Variants in ECM2 observed in about 807,000 individuals in gnomAD.
The protein encoded by ECM2 is extracellular matrix protein 2, female organ and adipocyte specific.
Under a neutral mutation model 67.5 loss-of-function variants are expected in ECM2, and 57 were observed. The ratio of observed to expected loss-of-function variants is 0.84; its 90% CI spans 0.68 to 1.05. The LOEUF (loss-of-function observed/expected upper bound fraction) is 1.05, where lower values mean the gene tolerates loss of function less well. Among genes scored for constraint, ECM2 ranks in the 50% least tolerant of loss-of-function variants. ECM2 has a pLI of 0.00. For synonymous variants in ECM2, 258 were observed against 294.5 expected (o/e 0.88, Z 1.27); for missense variants, 741 against 822.8 (o/e 0.90, Z 1.22).
chr9:92,555,389 G>C, the ECM2 span, among the ~76,000 whole-genome samples: 1 of 151,458 alleles, frequency 6.6e-6, no homozygotes, highest in Non-Finnish European at 1.5e-5. Flanking sequence ...ACCATGTCTG[G>C]CTGATTTTTT....
At chr9:92,557,951 G>A in the ECM2 span, among the ~76,000 whole-genome samples, 2 of 151,986 alleles carry the variant, frequency 1.3e-5, no homozygotes, top group African/African-American at 2.4e-5. Context: ...CCTGCATTTC[G>A]CATTTCTAAA....
In ECM2 at chr9:92,512,121, A is replaced by G. The variant is rs141793116; in HGVS notation, c.1060T>C (p.Ser354Pro). 3.7e-4 allele frequency: 599 copies of G among 1,611,910 alleles called. 1 individual carries two copies. The highest frequency in any genetic ancestry group is 4.8e-4 in the Non-Finnish European group (563 of 1,178,218). ...QITSLELTGNSIASIPDEAFN... is the reference protein window; with the variant it reads ...QITSLELTGNPIASIPDEAFN... ...GCTTCATCTGGGATGGAGGCGATGG[A>G]ATTGCCTAGGACACACAGCGGTTAT... Residue 354 changes from serine to proline, a missense_variant, in exon 5 of 10, where the codon TCC (serine) becomes CCC (proline). Coordinates refer to ENST00000344604, the MANE Select transcript of ECM2 (RefSeq NM_001393.4).
chr9:92,500,682 T>C (rs754788336), intron 9 of ECM2, 45 bp downstream of exon 9: 11 of 1,550,108 alleles, frequency 7.1e-6, no homozygotes, highest in Non-Finnish European at 9.6e-6. Flanking sequence ...TCATATATTT[T>C]GCCAACCAAA....
chr9:92,553,180 C>T, the ECM2 span, among the ~76,000 whole-genome samples: 1 of 152,086 alleles, frequency 6.6e-6, no homozygotes, highest in African/African-American at 2.4e-5. Context: ...CCTTTCCCCA[C>T]TTTATGTTTT....
At chr9:92,499,994 A>T (rs116974732) in intron 9 of ECM2, among the ~76,000 whole-genome samples, 1 of 152,252 alleles carries the variant, frequency 6.6e-6, no homozygotes, top group East Asian at 1.9e-4. Context: ...GTCTTAATAA[A>T]TGTATTCAGA....
At chr9:92,553,177 C>T in the ECM2 span, among the ~76,000 whole-genome samples, 1 of 152,110 alleles carries the variant, frequency 6.6e-6, no homozygotes, top group Non-Finnish European at 1.5e-5. Flanking sequence ...TGTCCTTTCC[C>T]CACTTTATGT....
chr9:92,505,024 G>A (rs1385537521), intron 7 of ECM2, among the ~76,000 whole-genome samples: 1 of 152,200 alleles, frequency 6.6e-6, no homozygotes, highest in African/African-American at 2.4e-5. Context: ...TAGGAACTGG[G>A]TGAAAACTTG....
the ECM2 span, among the ~76,000 whole-genome samples, chr9:92,556,543 G>A: frequency 6.6e-6 from 1 of 152,190 alleles, no homozygotes; most frequent in East Asian, 1.9e-4. Flanking sequence ...GTTTAGAATT[G>A]TGATATTTTC....
chr9:92,555,214 A>ATTTTTTTTTT, the ECM2 span, among the ~76,000 whole-genome samples: 1 of 63,440 alleles, frequency 1.6e-5, no homozygotes, highest in Non-Finnish European at 2.6e-5. Context: ...TTTTTTGGAA[A>ATTTTTTTTTT]TTTTTTTTTT....
the ECM2 span, among the ~76,000 whole-genome samples, chr9:92,554,903 T>C: frequency 6.6e-6 from 1 of 152,306 alleles, no homozygotes; most frequent in African/African-American, 2.4e-5. Context: ...CCCAAAGTGC[T>C]GAGATTACAG....
upstream of ECM2, among the ~76,000 whole-genome samples, chr9:92,540,933 T>C (rs1228621030): frequency 1.3e-5 from 2 of 151,190 alleles, no homozygotes; most frequent in African/African-American, 4.9e-5. Flanking sequence ...GAGAAAAGAT[T>C]TAGAAAGCCA....
intron 5 of ECM2, among the ~76,000 whole-genome samples, chr9:92,511,393 G>A (rs551177634): frequency 2.0e-5 from 3 of 151,454 alleles, no homozygotes; most frequent in South Asian, 2.1e-4. Context: ...CCAAAGTGCC[G>A]GGATTACAGG....
rs375516326 is a variant in ECM2, at chr9:92,496,354, T to C, written c.2061A>G (p.Ser687=). 21 of 1,603,216 alleles carry C rather than the reference T, an allele frequency of 1.3e-5. No individual in the cohort carries two copies. The highest frequency in any genetic ancestry group is 1.7e-5 in the Non-Finnish European group (20 of 1,176,694). ...GTGGTTTAAGAACGATACTTGAGTA[T>C]GATCTTATGCATGAAAATGTGTAAG... ...IPSYTFSCIR[S]YSSIVLKPQN... is the part of the protein sequence containing the mutation. Residue 687 remains serine, a synonymous_variant, in exon 10 of 10, where the codon TCA becomes TCG. Transcript: ENST00000344604.
At chr9:92,496,896 A>T (rs1846375805) in intron 9 of ECM2, among the ~76,000 whole-genome samples, 1 of 152,180 alleles carries the variant, frequency 6.6e-6, no homozygotes, top group Admixed American at 6.5e-5. Flanking sequence ...GAGAAATGTA[A>T]ATTGAAACTT....
chr9:92,535,847 G>T (rs982299470), intron 1 of ECM2, 86 bp downstream of exon 1: 2 of 362,374 alleles, frequency 5.5e-6, no homozygotes, highest in African/African-American at 4.3e-5. Context: ...ATTTACTCAA[G>T]AGTTAAACAG....
chr9:92,496,605 G>T, intron 9 of ECM2, 122 bp from the exon 10 acceptor site: 1 of 1,219,266 alleles, frequency 8.2e-7, no homozygotes, highest in Non-Finnish European at 1.1e-6. Context: ...TTATAGACCA[G>T]AATAAATTCC....
In ECM2 at chr9:92,510,982, C is replaced by T. The variant is rs1209156185; in HGVS notation, c.1171-948G>A. On this transcript the variant is annotated intron_variant, in intron 5 of 9. Transcript: ENST00000344604. ...AAGAGTGGGTGGAAGACCCAGAAGACTGCCCAAGGGAGTAACAGTTTCACT... is the reference window on the plus strand; with the variant it reads ...AAGAGTGGGTGGAAGACCCAGAAGATTGCCCAAGGGAGTAACAGTTTCACT... Among the ~76,000 whole-genome samples, 4 of 152,218 alleles carry T rather than the reference C, an allele frequency of 2.6e-5. No individual in the cohort carries two copies. In the East Asian group the frequency reaches 7.7e-4, roughly 29 times the overall value.
In ECM2 at chr9:92,496,152, T is replaced by C. The variant is rs1357960787; in HGVS notation, c.*163A>G. 7.5e-7 allele frequency: 1 copy of C among 1,325,000 alleles called. No homozygotes were observed. 82.1% of individuals were successfully genotyped at this position (1,325,000 alleles called of 1,614,324 possible). ...AATAAAACTCCTAGAGACTATACCT[T>C]TTAGGTATATTTTGGTTGTTCATCT... On this transcript the variant is annotated 3_prime_UTR_variant, in exon 10 of 10. Coordinates refer to ENST00000344604, the MANE Select transcript of ECM2 (RefSeq NM_001393.4).
At chr9:92,521,519 T>C (rs1353776983) in intron 2 of ECM2, among the ~76,000 whole-genome samples, 1 of 152,220 alleles carries the variant, frequency 6.6e-6, no homozygotes, top group Non-Finnish European at 1.5e-5. Context: ...TTTAGCTGTA[T>C]TGAGACAATA....
Sources: gnomAD v4.1 joint callset for allele counts (sites outside exome capture counted in the v4.1 genomes callset) on GRCh38, gnomAD v4.1.1 for gene constraint, MANE v1.5 for transcripts, NCBI Gene and HGNC (gene_info 2026-07-23, HGNC 2026-07-21) for gene names.